EGLN3: variants seen among roughly 807,000 people sequenced by gnomAD.
EGLN3 encodes the protein egl-9 family hypoxia inducible factor 3.
In EGLN3, 15 loss-of-function variants were observed where a neutral mutation model predicts 26.0. That is an observed-to-expected ratio of 0.58 (90% confidence interval 0.39 to 0.89). EGLN3 has a LOEUF of 0.89. Among genes scored for constraint, EGLN3 ranks in the 40% least tolerant of loss-of-function variants. EGLN3 has a pLI of 0.00. For missense variants in EGLN3, 238 were observed against 311.6 expected (o/e 0.76, Z 1.78); for synonymous variants, 147 against 127.2 (o/e 1.16, Z -1.05).
At chr14:33,926,917 G>A in intron 4 of EGLN3, 43 bp downstream of exon 4, 1 of 1,427,454 alleles carries the variant, frequency 7.0e-7, no homozygotes, top group Non-Finnish European at 9.8e-7. Flanking sequence ...AAAAGTCAAG[G>A]ATTAACTTGA....
chr14:33,943,675 A>G (rs981314756), intron 1 of EGLN3, among the ~76,000 whole-genome samples: 2 of 152,184 alleles, frequency 1.3e-5, no homozygotes, highest in Non-Finnish European at 2.9e-5. Flanking sequence ...GCAGCCTTCC[A>G]AGCTTTATCC....
intron 1 of EGLN3, among the ~76,000 whole-genome samples, chr14:33,941,034 T>C (rs995790766): frequency 1.3e-5 from 2 of 152,166 alleles, no homozygotes; most frequent in Non-Finnish European, 2.9e-5. Context: ...GTCATCTCAA[T>C]GTTAATTCCT....
At chr14:33,928,960 T>A in intron 3 of EGLN3, 116 bp downstream of exon 3, 1 of 1,277,196 alleles carries the variant, frequency 7.8e-7, no homozygotes, top group Non-Finnish European at 1.1e-6. Flanking sequence ...AAGTTTGCTA[T>A]CAGCTATGGG....
intron 1 of EGLN3, among the ~76,000 whole-genome samples, chr14:33,936,149 G>A (rs1197082107): frequency 6.6e-6 from 1 of 152,164 alleles, no homozygotes; most frequent in Non-Finnish European, 1.5e-5. Context: ...AGAATTGCTT[G>A]AACCTGGGAA....
intron 1 of EGLN3, among the ~76,000 whole-genome samples, chr14:33,932,742 A>C (rs2064413390): frequency 6.6e-6 from 1 of 152,198 alleles, no homozygotes; most frequent in Non-Finnish European, 1.5e-5. Flanking sequence ...ATCTTTCAGA[A>C]GGTGAAACTG....
At chr14:33,927,152 G>GATTGATTTATTTATTT (rs145933066) in intron 3 of EGLN3, 119 bp from the exon 4 acceptor site, 1 of 182,214 alleles carries the variant, frequency 5.5e-6, no homozygotes, top group South Asian at 1.9e-4. Flanking sequence ...AGTCTACCCT[G>GATTGATTTATTTATTT]ATTTATTTAT....
intron 1 of EGLN3, among the ~76,000 whole-genome samples, chr14:33,937,144 A>C (rs1365780111): frequency 6.6e-6 from 1 of 152,222 alleles, no homozygotes; most frequent in African/African-American, 2.4e-5. Flanking sequence ...GTCACTGCAA[A>C]AGTTCACATT....
rs901624626 is a variant in EGLN3, at chr14:33,951,030, C to T, written c.-278G>A. 17 of 413,636 alleles carry T rather than the reference C, an allele frequency of 4.1e-5. No individual in the cohort carries two copies. The highest frequency in any genetic ancestry group is 6.2e-4 in the Middle Eastern group (1 of 1,602). The allele number at this position is 413,636 out of a possible 1,614,324, so 25.6% of individuals were successfully genotyped here. A position where few individuals can be genotyped will look rare whatever the true frequency, so the allele number is the denominator to read the frequency against. On this transcript the variant is annotated 5_prime_UTR_variant, in exon 1 of 5. Transcript: ENST00000250457. The stretch of plus-strand genomic sequence containing the variant: ...CAGTGCGGCGCAAGGAGTCGGAGGG[C>T]GCCTTTTGGGGATGGGAAGCCACCA...
chr14:33,929,383 A>G (rs923973063), intron 2 of EGLN3, among the ~76,000 whole-genome samples, 171 bp from the exon 3 acceptor site: 18 of 152,028 alleles, frequency 1.2e-4, no homozygotes, highest in African/African-American at 4.4e-4. Flanking sequence ...ATGGAGTTTC[A>G]CTCTTGTTGC....
chr14:33,950,875 G>A lies in EGLN3; in HGVS notation c.-123C>T. The stretch of plus-strand genomic sequence containing the variant: ...GGTTCAGAAACCTGCGGCTGCCACG[G>A]TACCCGAGCCGCTGCAGCGTCGGGG... On this transcript the variant is annotated 5_prime_UTR_variant, in exon 1 of 5. Transcript: ENST00000250457. 3 of 809,628 alleles carry A rather than the reference G, an allele frequency of 3.7e-6. No individual in the cohort carries two copies. The highest frequency in any genetic ancestry group is 2.6e-5 in the East Asian group (1 of 39,116). The allele number at this position is 809,628 out of a possible 1,614,324, so 50.2% of individuals were successfully genotyped here. A position where few individuals can be genotyped will look rare whatever the true frequency, so the allele number is the denominator to read the frequency against.
At chr14:33,949,553 A>T (rs2064542056) in intron 1 of EGLN3, 2 of 152,232 alleles carry the variant, frequency 1.3e-5, no homozygotes, top group African/African-American at 4.8e-5. Flanking sequence ...AGCCTATCCC[A>T]AAGTAATGGA....
rs923539357 is a variant in EGLN3 at position 33,950,673 on chromosome 14, C to A, written c.80G>T (p.Gly27Val). ...EYIVPCLHEV[G>V]FCYLDNFLGE... ...CAGGAAGTTGTCCAGGTAGCAGAAG[C>A]CCACCTCGTGCAGACAGGGCACGAT... The change falls in exon 1 of 5, where the codon GGC becomes GTC. Residue 27 changes from glycine (G) to valine (V), a missense_variant. Coordinates refer to ENST00000250457, the MANE Select transcript of EGLN3 (RefSeq NM_022073.4). 1 of 1,613,964 alleles carries A rather than the reference C, an allele frequency of 6.2e-7. No individual in the cohort carries two copies. Among genetic ancestry groups the A allele is most frequent in the Non-Finnish European group, 8.5e-7 (1 of 1,179,984 alleles).
At chr14:33,948,230 A>C (rs1254784803) in intron 1 of EGLN3, 1 of 152,160 alleles carries the variant, frequency 6.6e-6, no homozygotes, top group Admixed American at 6.5e-5. Context: ...TAGAAATGGA[A>C]AGTGTTTCTA....
chr14:33,934,928 C>T (rs1413379144), intron 1 of EGLN3, among the ~76,000 whole-genome samples: 1 of 152,108 alleles, frequency 6.6e-6, no homozygotes, highest in East Asian at 1.9e-4. Flanking sequence ...TTGAGAAAAG[C>T]GTGATTTCAA....
At position 33,931,157 on chromosome 14, in the gene EGLN3, G is replaced by C. The variant is rs1189760172; in HGVS notation, c.416C>G (p.Pro139Arg). 1 of 1,614,144 alleles carries C rather than the reference G, an allele frequency of 6.2e-7. No individual in the cohort carries two copies. The highest frequency in any genetic ancestry group is 8.5e-7 in the Non-Finnish European group (1 of 1,180,014). The stretch of plus-strand genomic sequence containing the variant: ...GGTGATGCAGCGACCATCACCGTTG[G>C]GGTTGTCCACGTGGCGAACATAACC... ...GTGYVRHVDN[P>R]NGDGRCITCI... The change falls in exon 2 of 5, where the codon CCC (proline) becomes CGC (arginine). Residue 139 changes from proline (P) to arginine (R), a missense_variant. By Grantham distance (103) the Pro-to-Arg change is moderately radical (BLOSUM62 -2). Coordinates refer to ENST00000250457, the MANE Select transcript of EGLN3 (RefSeq NM_022073.4).
rs979487310 is a variant in EGLN3 at position 33,950,500 on chromosome 14, C to T, written c.253G>A (p.Glu85Lys). Reference protein sequence around the residue: ...GDQITWIGGNEEGCEAISFLL... With the variant: ...GDQITWIGGNKEGCEAISFLL... ...AAGCTGATGGCCTCGCAGCCCTCCT[C>T]GTTGCCCCCGATCCACGTGATCTGG... The change falls in exon 1 of 5, where the codon GAG (glutamate) becomes AAG (lysine). Residue 85 changes from glutamate (E) to lysine (K), a missense_variant. Physicochemically the swap from Glu to Lys is moderately conservative, Grantham distance 56. Coordinates refer to ENST00000250457, the MANE Select transcript of EGLN3 (RefSeq NM_022073.4). The T allele has an allele frequency of 1.2e-6, 2 of 1,613,548 alleles. No individual in the cohort carries two copies. The highest frequency in any genetic ancestry group is 1.7e-6 in the Non-Finnish European group (2 of 1,180,044).
chr14:33,937,520 A>ACC (rs2064451324), intron 1 of EGLN3, among the ~76,000 whole-genome samples: 1 of 152,234 alleles, frequency 6.6e-6, no homozygotes, highest in Non-Finnish European at 1.5e-5. Context: ...GTGTCCAGCC[A>ACC]CCGTGTTCAC....
chr14:33,936,646 G>A (rs143857976), intron 1 of EGLN3, among the ~76,000 whole-genome samples: 5 of 151,974 alleles, frequency 3.3e-5, no homozygotes, highest in Admixed American at 3.3e-4. Context: ...CTGGAACAAA[G>A]GCACTATATG....
At chr14:33,934,178 C>T (rs914212367) in intron 1 of EGLN3, among the ~76,000 whole-genome samples, 1 of 152,116 alleles carries the variant, frequency 6.6e-6, no homozygotes, top group Non-Finnish European at 1.5e-5. Flanking sequence ...TGTACCCACC[C>T]CACCTCCCAC....
Sources: gnomAD v4.1 joint callset for allele counts (sites outside exome capture counted in the v4.1 genomes callset) on GRCh38, gnomAD v4.1.1 for gene constraint, MANE v1.5 for transcripts, NCBI Gene and HGNC (gene_info 2026-07-23, HGNC 2026-07-21) for gene names.